Variants in DGKB observed in about 807,000 individuals in gnomAD.
DGKB encodes diacylglycerol kinase beta, also known as 90 kDa diacylglycerol kinase.
In DGKB, 67 loss-of-function variants were observed where a neutral mutation model predicts 114.3. The observed-to-expected ratio is 0.59, with a 90% CI of 0.48 to 0.72. DGKB has a LOEUF of 0.72. DGKB is among the 30% of genes least tolerant of loss of function. The probability of loss-of-function intolerance (pLI) is 0.00; values close to 1 mark genes in which losing one functional copy is unlikely to be tolerated. For missense variants in DGKB, 907 were observed against 975.2 expected (o/e 0.93, Z 0.93); for synonymous variants, 398 against 323.1 (o/e 1.23, Z -2.49).
intron 21 of DGKB, among the ~76,000 whole-genome samples, chr7:14,451,570 TC>T (rs200420430): frequency 0.025 from 3,731 of 151,128 alleles, 166 homozygotes; most frequent in African/African-American, 0.085. Context: ...TCTCTCTCTC[TC>T]TCTCCATCTA....
intron 13 of DGKB, among the ~76,000 whole-genome samples, chr7:14,641,076 T>C (rs970743254): frequency 1.3e-5 from 2 of 152,206 alleles, no homozygotes; most frequent in African/African-American, 4.8e-5. Flanking sequence ...TTTTATGCCA[T>C]AGTTTGTGGC....
At chr7:14,251,666 T>G (rs1384516062) in intron 23 of DGKB, among the ~76,000 whole-genome samples, 1 of 152,170 alleles carries the variant, frequency 6.6e-6, no homozygotes, top group Non-Finnish European at 1.5e-5. Flanking sequence ...ACTCTAGCTT[T>G]TCTTTTAAGT....
chr7:14,231,128 TTTCTTTC>T (rs1246088174), intron 23 of DGKB, among the ~76,000 whole-genome samples: 1,945 of 90,614 alleles, frequency 0.021, 29 homozygotes, highest in Non-Finnish European at 0.032. Context: ...TCTTTCTTTC[TTTCTTTC>T]TTTCTTTCTT....
At chr7:14,515,915 ACT>A (rs780566221) in intron 20 of DGKB, among the ~76,000 whole-genome samples, 5 of 151,802 alleles carry the variant, frequency 3.3e-5, no homozygotes, top group Non-Finnish European at 5.9e-5. Flanking sequence ...CAAGCTCATG[ACT>A]CTCTGCAGCC....
At chr7:14,635,749 T>C (rs1422084443) in intron 13 of DGKB, among the ~76,000 whole-genome samples, 1 of 151,522 alleles carries the variant, frequency 6.6e-6, no homozygotes, top group Non-Finnish European at 1.5e-5. Flanking sequence ...GTTGGTAACT[T>C]GAAAAAATCA....
At chr7:14,833,119 T>C (rs1846650993) in intron 2 of DGKB, among the ~76,000 whole-genome samples, 1 of 152,114 alleles carries the variant, frequency 6.6e-6, no homozygotes, top group African/African-American at 2.4e-5. Context: ...ATTCTGCCTC[T>C]AGATACTCCC....
intron 1 of DGKB, among the ~76,000 whole-genome samples, chr7:14,874,481 T>A (rs6980413): frequency 0.45 from 68,200 of 151,858 alleles, 16,339 homozygotes; most frequent in East Asian, 0.63. Context: ...AATTTTTGTA[T>A]CTACAAAATC....
At chr7:14,469,045 G>A (rs1488828666) in intron 21 of DGKB, among the ~76,000 whole-genome samples, 2 of 152,024 alleles carry the variant, frequency 1.3e-5, no homozygotes, top group East Asian at 3.9e-4. Flanking sequence ...ATTTAAATTA[G>A]AGCATATACA....
intron 13 of DGKB, among the ~76,000 whole-genome samples, chr7:14,666,590 G>A (rs1017087893): frequency 1.3e-5 from 2 of 151,888 alleles, no homozygotes; most frequent in Non-Finnish European, 2.9e-5. Context: ...AGTTGGGAAG[G>A]GTTAATGGCC....
At chr7:14,421,535 A>G (rs1826695018) in intron 21 of DGKB, among the ~76,000 whole-genome samples, 1 of 152,060 alleles carries the variant, frequency 6.6e-6, no homozygotes, top group Non-Finnish European at 1.5e-5. Flanking sequence ...AAGTTATTCA[A>G]ATGTCTTTTG....
chr7:14,266,136 G>A (rs1358913870), intron 23 of DGKB, among the ~76,000 whole-genome samples: 2 of 152,124 alleles, frequency 1.3e-5, no homozygotes, highest in Non-Finnish European at 2.9e-5. Context: ...AGCTATCAGT[G>A]TGTAGAGAAG....
At chr7:14,820,603 C>T (rs1198563391) in intron 2 of DGKB, among the ~76,000 whole-genome samples, 1 of 152,122 alleles carries the variant, frequency 6.6e-6, no homozygotes, top group East Asian at 1.9e-4. Flanking sequence ...AAACTTCAAA[C>T]TATTTCAAAT....
chr7:14,734,170 G>A (rs897190431), intron 5 of DGKB, among the ~76,000 whole-genome samples: 4 of 150,950 alleles, frequency 2.6e-5, no homozygotes, highest in African/African-American at 9.7e-5. Flanking sequence ...AAGTAGCTGG[G>A]ATTACAGGCG....
intron 1 of DGKB, among the ~76,000 whole-genome samples, chr7:14,917,709 A>C (rs1321398138): frequency 6.6e-6 from 1 of 151,952 alleles, no homozygotes; most frequent in Non-Finnish European, 1.5e-5. Flanking sequence ...AAATAATACC[A>C]ATTCTCTAAA....
chr7:14,725,060 T>C (rs1829816180), intron 5 of DGKB, among the ~76,000 whole-genome samples: 1 of 152,140 alleles, frequency 6.6e-6, no homozygotes, highest in African/African-American at 2.4e-5. Context: ...TAGTCCCAGC[T>C]ACCTAGGGGG....
At chr7:14,790,613 G>T (rs551878620) in intron 2 of DGKB, among the ~76,000 whole-genome samples, 2 of 152,066 alleles carry the variant, frequency 1.3e-5, no homozygotes, top group Middle Eastern at 6.8e-3. Context: ...AAATTATTTA[G>T]GCATATTTTT....
intron 20 of DGKB, among the ~76,000 whole-genome samples, chr7:14,563,129 A>G (rs1796915181): frequency 6.6e-6 from 1 of 152,112 alleles, no homozygotes; most frequent in African/African-American, 2.4e-5. Context: ...CTTGCCTGCC[A>G]CCATGTAAGG....
chr7:14,170,225 T>G (rs1780791129), intron 25 of DGKB, among the ~76,000 whole-genome samples: 1 of 145,648 alleles, frequency 6.9e-6, no homozygotes, highest in African/African-American at 2.5e-5. Context: ...CTCTGAAGAG[T>G]GACTGAGTGA....
At chr7:14,857,789 G>T (rs1319259005) in intron 1 of DGKB, among the ~76,000 whole-genome samples, 18 of 151,834 alleles carry the variant, frequency 1.2e-4, no homozygotes, top group Admixed American at 1.2e-3. Flanking sequence ...GGTGGTACTA[G>T]TTGGTGCCTT....
Sources: gnomAD v4.1 joint callset for allele counts (sites outside exome capture counted in the v4.1 genomes callset) on GRCh38, gnomAD v4.1.1 for gene constraint, MANE v1.5 for transcripts, NCBI Gene and HGNC (gene_info 2026-07-23, HGNC 2026-07-21) for gene names.